Variants in CDH18 observed in about 807,000 individuals in gnomAD.
The protein encoded by CDH18 is cadherin-18.
Under a neutral mutation model 67.9 loss-of-function variants are expected in CDH18, and 31 were observed. That is an observed-to-expected ratio of 0.46 (90% CI 0.34 to 0.62). The LOEUF (loss-of-function observed/expected upper bound fraction) is 0.62, where lower values mean the gene tolerates loss of function less well. Among genes scored for constraint, CDH18 ranks in the 20% least tolerant of loss-of-function variants. CDH18 has a pLI of 0.01. For missense variants in CDH18, 890 were observed against 975.5 expected (o/e 0.91, Z 1.17); for synonymous variants, 362 against 347.2 (o/e 1.04, Z -0.48).
At chr5:19,824,293 C>T (rs1329894362) in intron 3 of CDH18, among the ~76,000 whole-genome samples, 5 of 152,056 alleles carry the variant, frequency 3.3e-5, no homozygotes, top group Admixed American at 1.3e-4. Context: ...CACGTCGGGA[C>T]CCATCAAGGC....
chr5:20,428,868 A>C (rs1748527647), intron 1 of CDH18, among the ~76,000 whole-genome samples: 1 of 152,316 alleles, frequency 6.6e-6, no homozygotes, highest in South Asian at 2.1e-4. Context: ...GTAATTAGAA[A>C]GAATTTTCTT....
In CDH18 at chr5:20,290,760, G is replaced by A. The variant is rs367721756; in HGVS notation, c.-579-35255C>T. 2.0e-5 allele frequency among the ~76,000 whole-genome samples: 3 copies of A among 152,128 alleles called. No individual in the cohort carries two copies. The East Asian group carries it at 5.8e-4, about 29-fold the overall frequency. ...ATTTGGAAAACAGAATAGTAGCTCA[G>A]GATGGCTAAAAACGAAATAGCAAAT... On this transcript the variant is annotated intron_variant, in intron 1 of 14. Coordinates refer to the CDH18 transcript ENST00000507958.
intron 4 of CDH18, among the ~76,000 whole-genome samples, chr5:19,723,114 C>A (rs1344623764): frequency 6.6e-6 from 1 of 151,580 alleles, no homozygotes; most frequent in Non-Finnish European, 1.5e-5. Context: ...ACTAAAAATA[C>A]AAAAATTAGC....
At chr5:20,559,394 A>G (rs1758081454) in intron 1 of CDH18, among the ~76,000 whole-genome samples, 3 of 152,074 alleles carry the variant, frequency 2.0e-5, no homozygotes, top group African/African-American at 7.2e-5. Flanking sequence ...GGGTAAATCA[A>G]TAATGAGTGT....
chr5:19,498,565 A>G (rs1340635768), intron 11 of CDH18, among the ~76,000 whole-genome samples: 2 of 152,180 alleles, frequency 1.3e-5, no homozygotes, highest in Non-Finnish European at 2.9e-5. Context: ...TACATCACTC[A>G]TGTTAAAAAG....
intron 5 of CDH18, among the ~76,000 whole-genome samples, chr5:19,624,505 C>T (rs1043441838): frequency 6.6e-6 from 1 of 152,108 alleles, no homozygotes; most frequent in African/African-American, 2.4e-5. Flanking sequence ...ATTAAGATTT[C>T]AGAGATATGT....
intron 9 of CDH18, among the ~76,000 whole-genome samples, chr5:19,536,619 G>C (rs528169374): frequency 3.5e-4 from 53 of 152,294 alleles, no homozygotes; most frequent in Non-Finnish European, 6.3e-4. Context: ...ATTGTGGTTA[G>C]AAACAATGTT....
chr5:19,780,534 A>T (rs1346838020), intron 3 of CDH18, among the ~76,000 whole-genome samples: 2 of 152,250 alleles, frequency 1.3e-5, no homozygotes, highest in East Asian at 3.9e-4. Context: ...ACAAGAAAAA[A>T]AATATTTTGG....
At chr5:19,806,767 T>A (rs1031361250) in intron 3 of CDH18, among the ~76,000 whole-genome samples, 3 of 152,200 alleles carry the variant, frequency 2.0e-5, no homozygotes, top group Admixed American at 6.5e-5. Context: ...AACCTACATT[T>A]GATTTTCTGA....
chr5:19,533,491 G>A (rs1748968881), intron 9 of CDH18, among the ~76,000 whole-genome samples: 1 of 152,108 alleles, frequency 6.6e-6, no homozygotes, highest in African/African-American at 2.4e-5. Flanking sequence ...AGATGTATTT[G>A]GAGGAGAATA....
chr5:19,740,015 T>C (rs1004156647), intron 4 of CDH18, among the ~76,000 whole-genome samples: 1 of 152,192 alleles, frequency 6.6e-6, no homozygotes, highest in Admixed American at 6.5e-5. Context: ...AGATTAGAGA[T>C]GTTTCAATAC....
At chr5:19,594,517 T>C (rs1745857864) in intron 6 of CDH18, among the ~76,000 whole-genome samples, 1 of 152,194 alleles carries the variant, frequency 6.6e-6, no homozygotes, top group Non-Finnish European at 1.5e-5. Context: ...ATGATTTTAC[T>C]ACCTGTGTCT....
intron 3 of CDH18, among the ~76,000 whole-genome samples, chr5:19,754,711 T>C (rs1237639333): frequency 6.6e-6 from 1 of 152,120 alleles, no homozygotes; most frequent in Admixed American, 6.6e-5. Flanking sequence ...AATATACACA[T>C]TCTATTCAAT....
intron 2 of CDH18, among the ~76,000 whole-genome samples, chr5:19,994,849 T>G (rs538367801): frequency 0.052 from 1,674 of 32,278 alleles, 180 homozygotes; most frequent in South Asian, 0.067. Flanking sequence ...TATATATATA[T>G]ATATATAGAG....
intron 2 of CDH18, among the ~76,000 whole-genome samples, chr5:19,977,518 T>C (rs1362893926): frequency 1.3e-5 from 2 of 152,156 alleles, no homozygotes; most frequent in Non-Finnish European, 2.9e-5. Flanking sequence ...GCATACTCCA[T>C]CATGTCTAGG....
chr5:19,524,319 T>C (rs544080656), intron 9 of CDH18, among the ~76,000 whole-genome samples: 5 of 149,414 alleles, frequency 3.3e-5, no homozygotes, highest in Admixed American at 6.7e-5. Flanking sequence ...TAATTATATA[T>C]TATATTGATA....
intron 2 of CDH18, among the ~76,000 whole-genome samples, chr5:20,021,933 T>G (rs1738460634): frequency 6.6e-6 from 1 of 152,194 alleles, no homozygotes; most frequent in Admixed American, 6.5e-5. Flanking sequence ...TAATATTTGC[T>G]TAATAAAAAC....
chr5:19,512,977 G>T (rs1174149062), intron 10 of CDH18, among the ~76,000 whole-genome samples: 1 of 151,974 alleles, frequency 6.6e-6, no homozygotes, highest in Non-Finnish European at 1.5e-5. Flanking sequence ...TTACTGTCAT[G>T]ATTTTTCTTA....
intron 8 of CDH18, among the ~76,000 whole-genome samples, chr5:19,554,561 AC>A (rs978649239): frequency 2.0e-5 from 3 of 149,054 alleles, no homozygotes; most frequent in African/African-American, 7.7e-5. Context: ...AAAAAAAAAA[AC>A]AATTTTTTTT....
Sources: allele counts gnomAD v4.1 joint callset (sites outside exome capture counted in the v4.1 genomes callset), GRCh38; gene constraint gnomAD v4.1.1; transcripts MANE v1.5; gene names NCBI Gene and HGNC (gene_info 2026-07-23, HGNC 2026-07-21).